Variants in TERF1 observed in about 807,000 individuals in gnomAD.
The protein encoded by TERF1 is telomeric repeat binding factor 1.
A neutral mutation model predicts 55.1 loss-of-function variants in TERF1; 20 were observed. The observed-to-expected ratio is 0.36, with a 90% CI of 0.26 to 0.53. TERF1 has a LOEUF of 0.53. TERF1 is among the 20% of genes least tolerant of loss of function. The pLI is 0.91. For synonymous variants in TERF1, 168 were observed against 181.2 expected, an observed-to-expected ratio of 0.93 and a Z score of 0.59; for missense variants, 439 against 535.7, an observed-to-expected ratio of 0.82 and a Z score of 1.78.
At chr8:73,037,780 T>TG (rs1809637550) in intron 8 of TERF1, among the ~76,000 whole-genome samples, 1 of 47,834 alleles carries the variant, frequency 2.1e-5, no homozygotes, top group Non-Finnish European at 4.4e-5. Context: ...ATATATATAT[T>TG]ATATATAATA....
intron 9 of TERF1, among the ~76,000 whole-genome samples, chr8:73,041,034 A>G (rs989756710): frequency 1.3e-5 from 2 of 152,160 alleles, no homozygotes; most frequent in Admixed American, 6.6e-5. Flanking sequence ...CCTTTGACAT[A>G]TTGATCATAA....
In TERF1 at chr8:73,008,994, G is replaced by A. The variant is rs781240663; in HGVS notation, c.108G>A (p.Glu36=). The change falls in exon 1 of 10, where the codon GAG becomes GAA. Residue 36 remains glutamate, a synonymous_variant. Transcript: ENST00000276603. ...EQMAETERND[E]EQFECQELLE... is the part of the protein sequence containing the mutation. ...TGGCAGAAACAGAGAGAAACGACGA[G>A]GAGCAGTTCGAATGCCAGGAACTGC... The A allele has an allele frequency of 3.1e-6, 5 of 1,612,368 alleles. No individual in the cohort carries two copies. The East Asian group carries it at 1.1e-4, about 36-fold the overall frequency.
intron 8 of TERF1, among the ~76,000 whole-genome samples, chr8:73,037,894 A>T (rs979096700): frequency 1.2e-4 from 15 of 122,874 alleles, no homozygotes; most frequent in South Asian, 2.2e-4. Flanking sequence ...ATGATATATA[A>T]TATATATAAA....
chr8:73,039,850 A>G (rs539431413), intron 9 of TERF1, among the ~76,000 whole-genome samples: 2 of 147,902 alleles, frequency 1.4e-5, no homozygotes, highest in African/African-American at 5.0e-5. Context: ...GGTGTCTCAC[A>G]ATGTTGCCCA....
chr8:73,030,129 G>C, intron 6 of TERF1: 1 of 380,208 alleles, frequency 2.6e-6, no homozygotes, highest in Non-Finnish European at 4.7e-6. Context: ...CTTATGTTTG[G>C]AGAAACTTGG....
intron 6 of TERF1, among the ~76,000 whole-genome samples, chr8:73,027,456 A>T (rs55819847): frequency 6.6e-6 from 1 of 152,202 alleles, no homozygotes; most frequent in Non-Finnish European, 1.5e-5. Context: ...TCACTGCTTC[A>T]TCTGGTGCTC....
intron 9 of TERF1, chr8:73,043,315 T>C (rs1188117157): frequency 6.6e-6 from 1 of 152,070 alleles, no homozygotes. Flanking sequence ...TAATCAACCA[T>C]GAAATAACAC....
intron 1 of TERF1, chr8:73,012,836 G>C (rs768844190): frequency 3.9e-5 from 17 of 437,494 alleles, no homozygotes; most frequent in Middle Eastern, 3.3e-4. Flanking sequence ...ATAACTTTTT[G>C]TTTAATTGTG....
At chr8:73,043,063 C>T (rs1426112782) in intron 9 of TERF1, 2 of 152,032 alleles carry the variant, frequency 1.3e-5, no homozygotes, top group Non-Finnish European at 2.9e-5. Context: ...ATTGTACTGC[C>T]CTTATGTTTT....
chr8:73,043,317 A>G (rs968483908), intron 9 of TERF1: 2 of 152,334 alleles, frequency 1.3e-5, no homozygotes, highest in South Asian at 2.1e-4. Context: ...ATCAACCATG[A>G]AATAACACTA....
chr8:73,025,248 C>G lies in TERF1; in HGVS notation c.774+277C>G, dbSNP rs557640967. Among the ~76,000 whole-genome samples, 3 of 152,188 alleles carry G rather than the reference C, an allele frequency of 2.0e-5. No individual in the cohort carries two copies. In the East Asian group the frequency reaches 5.8e-4, roughly 29 times the overall value. On this transcript the variant is annotated intron_variant, in intron 5 of 9. Coordinates refer to ENST00000276603, the MANE Select transcript of TERF1 (RefSeq NM_017489.3). ...ATTAAAAATAAGAAATAGGCAAAAG[C>G]AAATATTTTAATTTAAGTAAATTTT...
At chr8:73,034,908 T>C (rs1274568533) in intron 8 of TERF1, among the ~76,000 whole-genome samples, 1 of 152,146 alleles carries the variant, frequency 6.6e-6, no homozygotes, top group Non-Finnish European at 1.5e-5. Context: ...ACAGTCTGAC[T>C]CCAGAGCCCA....
At chr8:73,029,582 G>A (rs1222767425) in intron 6 of TERF1, among the ~76,000 whole-genome samples, 1 of 151,660 alleles carries the variant, frequency 6.6e-6, no homozygotes, top group Admixed American at 6.6e-5. Flanking sequence ...CTGCACTCCG[G>A]TGACCCTCGG....
chr8:73,025,080 T>C, intron 5 of TERF1, 109 bp downstream of exon 5: 2 of 725,970 alleles, frequency 2.8e-6, no homozygotes, highest in South Asian at 3.3e-5. Context: ...TTTTTCATTG[T>C]GGTTTTGTAG....
chr8:73,036,600 C>A (rs550938417), intron 8 of TERF1, among the ~76,000 whole-genome samples: 1 of 151,658 alleles, frequency 6.6e-6, no homozygotes, highest in Non-Finnish European at 1.5e-5. Context: ...CCCATCCCCC[C>A]GCCCCCACAG....
chr8:73,027,360 A>G (rs929522802), intron 6 of TERF1, among the ~76,000 whole-genome samples: 4 of 152,174 alleles, frequency 2.6e-5, no homozygotes, highest in Non-Finnish European at 5.9e-5. Context: ...TAGATTCTAC[A>G]TGTTCTCATT....
intron 4 of TERF1, among the ~76,000 whole-genome samples, chr8:73,023,753 A>G (rs1024145679): frequency 1.3e-5 from 2 of 152,190 alleles, no homozygotes; most frequent in Non-Finnish European, 2.9e-5. Context: ...TTGAAATACC[A>G]CTTTCCATGC....
Position 73,008,967 on chromosome 8 carries a change from G to C in TERF1, c.81G>C (p.Gln27His), listed in dbSNP as rs1808146284. 1 of 1,612,994 alleles carries C rather than the reference G, an allele frequency of 6.2e-7. No individual in the cohort carries two copies. Among genetic ancestry groups the C allele is most frequent in the Non-Finnish European group, 8.5e-7 (1 of 1,179,730 alleles). ...DGRDADPTEEQMAETERNDEE... is the reference protein window; with the variant it reads ...DGRDADPTEEHMAETERNDEE... ...GGGATGCCGACCCTACTGAGGAGCA[G>C]ATGGCAGAAACAGAGAGAAACGACG... The change falls in exon 1 of 10, where the codon CAG becomes CAC. Residue 27 changes from glutamine (Q) to histidine (H), a missense_variant. Physicochemically the swap from Gln to His is conservative, Grantham distance 24. This residue lies in a region of TERF1 where 179 missense variants were observed against 152.6 expected (regional missense o/e 1.17). Coordinates refer to ENST00000276603, the MANE Select transcript of TERF1 (RefSeq NM_017489.3).
In TERF1 at chr8:73,046,853, G is replaced by C. The variant is rs1810058021; in HGVS notation, c.*716G>C. 6.6e-6 allele frequency: 1 copy of C among 152,068 alleles called. No individual in the cohort carries two copies. The highest frequency in any genetic ancestry group is 2.1e-4 in the South Asian group (1 of 4,816). 9.4% of individuals were successfully genotyped at this position (152,068 alleles called of 1,614,324 possible). A position where few individuals can be genotyped will look rare whatever the true frequency, so the allele number is the denominator to read the frequency against. ...GTCCTTTGATAGAAGATAATGACTT[G>C]GTTTATGGCCTTAATATACTACTTA... On this transcript the variant is annotated 3_prime_UTR_variant, in exon 10 of 10. Coordinates refer to ENST00000276603, the MANE Select transcript of TERF1 (RefSeq NM_017489.3).
Sources: allele counts gnomAD v4.1 joint callset (sites outside exome capture counted in the v4.1 genomes callset), GRCh38; gene constraint gnomAD v4.1.1; regional missense constraint gnomAD v4.1.1; transcripts MANE v1.5; gene names NCBI Gene and HGNC (gene_info 2026-07-23, HGNC 2026-07-21).